Variants in RBMS3 observed in about 807,000 individuals in gnomAD.
RBMS3 encodes the protein RNA binding motif single stranded interacting protein 3.
In RBMS3, 27 loss-of-function variants were observed where a neutral mutation model predicts 66.8. The observed-to-expected ratio is 0.40, with a 90% CI of 0.30 to 0.56. The LOEUF (loss-of-function observed/expected upper bound fraction) is 0.56, where lower values mean the gene tolerates loss of function less well. Among genes scored for constraint, RBMS3 ranks in the 20% least tolerant of loss-of-function variants. The pLI is 0.40. For missense variants in RBMS3, 513 were observed against 549.5 expected (o/e 0.93, Z 0.66); for synonymous variants, 188 against 183.0 (o/e 1.03, Z -0.22).
chr3:29,744,481 G>A (rs1336606545), intron 5 of RBMS3, among the ~76,000 whole-genome samples: 2 of 152,142 alleles, frequency 1.3e-5, no homozygotes, highest in Non-Finnish European at 2.9e-5. Context: ...AGTTCCACAG[G>A]CATTATTAAA....
At chr3:29,584,531 T>C (rs1370682671) in intron 3 of RBMS3, among the ~76,000 whole-genome samples, 1 of 152,150 alleles carries the variant, frequency 6.6e-6, no homozygotes, top group Non-Finnish European at 1.5e-5. Context: ...CTCGGGCATT[T>C]CTGACTCAAC....
intron 4 of RBMS3, chr3:29,697,167 A>C: frequency 1.1e-6 from 1 of 895,246 alleles, no homozygotes; most frequent in Non-Finnish European, 1.3e-6. Context: ...AGTTTGGGAA[A>C]ATTTTAATGG....
chr3:29,904,629 T>A (rs2060332183), intron 10 of RBMS3, among the ~76,000 whole-genome samples: 1 of 152,044 alleles, frequency 6.6e-6, no homozygotes, highest in South Asian at 2.1e-4. Context: ...ACACAAAAGA[T>A]ATTTACATTT....
chr3:29,465,471 T>C (rs980206158), intron 2 of RBMS3, among the ~76,000 whole-genome samples: 4 of 149,192 alleles, frequency 2.7e-5, no homozygotes, highest in African/African-American at 9.8e-5. Flanking sequence ...TCTGGCCTAT[T>C]GGACGGTCTT....
chr3:29,751,532 C>T (rs1013745038), intron 5 of RBMS3, among the ~76,000 whole-genome samples: 1 of 152,142 alleles, frequency 6.6e-6, no homozygotes, highest in Non-Finnish European at 1.5e-5. Context: ...AAATTTCTTT[C>T]CCAAGATTAA....
intron 1 of RBMS3, among the ~76,000 whole-genome samples, chr3:29,387,641 A>G (rs964597558): frequency 1.3e-5 from 2 of 152,008 alleles, no homozygotes; most frequent in African/African-American, 2.4e-5. Context: ...GGTGGCTCAC[A>G]CCTGTAATCC....
intron 4 of RBMS3, among the ~76,000 whole-genome samples, chr3:29,693,134 TATG>T (rs141164328): frequency 0.027 from 4,158 of 152,248 alleles, 76 homozygotes; most frequent in Admixed American, 0.063. Context: ...AAACCAACAT[TATG>T]ATATCTGATA....
intron 2 of RBMS3, among the ~76,000 whole-genome samples, chr3:29,459,440 G>A (rs1429337280): frequency 6.6e-6 from 1 of 152,042 alleles, no homozygotes; most frequent in Non-Finnish European, 1.5e-5. Context: ...AAAATATAAA[G>A]AATGGCATTA....
chr3:29,568,005 C>T (rs1258745848), intron 3 of RBMS3, among the ~76,000 whole-genome samples: 2 of 152,142 alleles, frequency 1.3e-5, no homozygotes, highest in Non-Finnish European at 2.9e-5. Context: ...AAGGGCAAAT[C>T]AACCTCTGTG....
At chr3:29,415,326 T>C (rs1030474845) in intron 1 of RBMS3, among the ~76,000 whole-genome samples, 3 of 152,166 alleles carry the variant, frequency 2.0e-5, no homozygotes, top group Non-Finnish European at 4.4e-5. Flanking sequence ...GAGCATTAAA[T>C]TATTATAAAT....
At chr3:29,490,996 T>G (rs993476852) in intron 3 of RBMS3, among the ~76,000 whole-genome samples, 2 of 152,160 alleles carry the variant, frequency 1.3e-5, no homozygotes, top group South Asian at 2.1e-4. Flanking sequence ...GAAGGGATAC[T>G]TCCTTATGCA....
intron 1 of RBMS3, among the ~76,000 whole-genome samples, chr3:29,378,031 G>T (rs1219984335): frequency 6.6e-6 from 1 of 152,126 alleles, no homozygotes; most frequent in Admixed American, 6.6e-5. Flanking sequence ...AGCATTGGTT[G>T]CTAGGGAAAG....
At chr3:29,874,064 C>A (rs1457784866) in intron 7 of RBMS3, among the ~76,000 whole-genome samples, 2 of 152,116 alleles carry the variant, frequency 1.3e-5, no homozygotes, top group Non-Finnish European at 2.9e-5. Flanking sequence ...AAATAGCCCC[C>A]TTGTCTTTAG....
At chr3:29,826,149 A>G (rs12493077) in intron 6 of RBMS3, among the ~76,000 whole-genome samples, 6,774 of 152,248 alleles carry the variant, frequency 0.044, 235 homozygotes, top group Admixed American at 0.083. Context: ...GATGGCTATG[A>G]AAATGAATTT....
intron 1 of RBMS3, among the ~76,000 whole-genome samples, chr3:29,291,604 A>G (rs1405182371): frequency 2.6e-5 from 4 of 151,822 alleles, no homozygotes; most frequent in Non-Finnish European, 5.9e-5. Context: ...CAATGGCACA[A>G]TACTTATTCT....
chr3:29,570,910 A>G (rs2046928854), intron 3 of RBMS3, among the ~76,000 whole-genome samples: 3 of 152,028 alleles, frequency 2.0e-5, no homozygotes, highest in Non-Finnish European at 4.4e-5. Flanking sequence ...ACTCTTCTCC[A>G]TAGTGGTTGT....
intron 1 of RBMS3, among the ~76,000 whole-genome samples, chr3:29,305,122 C>T (rs891307613): frequency 7.9e-5 from 12 of 151,978 alleles, no homozygotes; most frequent in East Asian, 7.8e-4. Flanking sequence ...CTTCCCTCTT[C>T]GTCAGTGGCC....
chr3:29,431,473 A>G lies in RBMS3; in HGVS notation c.76-3270A>G, dbSNP rs146508047. 2.6e-3 allele frequency among the ~76,000 whole-genome samples: 388 copies of G among 151,648 alleles called. 3 individuals are homozygous for G. The highest frequency in any genetic ancestry group is 8.3e-3 in the African/African-American group (345 of 41,344). ...ATGCCCAGCTAATTTTTGTATTTTT[A>G]GTAGAGATGGGGTTTCACTATGTTG... is the stretch of plus-strand genomic sequence containing the variant. On this transcript the variant is annotated intron_variant, in intron 1 of 14. Coordinates refer to ENST00000383767, the MANE Select transcript of RBMS3 (RefSeq NM_001003793.3).
Position 30,009,423 on chromosome 3 carries a change from C to A in RBMS3, c.*5561C>A, listed in dbSNP as rs1553719675. ...AAATTAATATCAGTACATTATATGTCATAAATTTTGATTATCTATAATGTC... is the reference window on the plus strand; with the variant it reads ...AAATTAATATCAGTACATTATATGTAATAAATTTTGATTATCTATAATGTC... On this transcript the variant is annotated 3_prime_UTR_variant, in exon 15 of 15. Coordinates refer to ENST00000383767, the MANE Select transcript of RBMS3 (RefSeq NM_001003793.3). 1 of 151,990 alleles carries A rather than the reference C, an allele frequency of 6.6e-6. No individual in the cohort carries two copies. The highest frequency in any genetic ancestry group is 1.5e-5 in the Non-Finnish European group (1 of 67,982). 9.4% of individuals were successfully genotyped at this position (151,990 alleles called of 1,614,324 possible). A position where few individuals can be genotyped will look rare whatever the true frequency, so the allele number is the denominator to read the frequency against.
Sources: gnomAD v4.1 joint callset for allele counts (sites outside exome capture counted in the v4.1 genomes callset) on GRCh38, gnomAD v4.1.1 for gene constraint, MANE v1.5 for transcripts, NCBI Gene and HGNC (gene_info 2026-07-23, HGNC 2026-07-21) for gene names.